The following HSPA2 variants were observed in gnomAD, a reference collection of about 807,000 sequenced individuals.
HSPA2 encodes the protein heat shock protein family A (Hsp70) member 2.
In HSPA2, 13 loss-of-function variants were observed where a neutral mutation model predicts 35.0. The ratio of observed to expected loss-of-function variants is 0.37; its 90% CI spans 0.24 to 0.59. HSPA2 has a LOEUF of 0.59. Ranked by LOEUF, HSPA2 falls within the 20% of genes least tolerant of loss-of-function variation. The probability of loss-of-function intolerance (pLI) is 0.70; values close to 1 mark genes in which losing one functional copy is unlikely to be tolerated. For missense variants in HSPA2, 565 were observed against 885.4 expected, an observed-to-expected ratio of 0.64 and a Z score of 4.59; for synonymous variants, 368 against 382.1, an observed-to-expected ratio of 0.96 and a Z score of 0.43.
In HSPA2 at chr14:64,541,910, A is replaced by G; in HGVS notation, c.1061A>G (p.Gln354Arg). Residue 354 changes from glutamine (Q) to arginine (R), a missense_variant, in exon 1 of 1, where the codon CAG (glutamine) becomes CGG (arginine). Around this residue, in one of 4 missense-constraint regions of HSPA2, gnomAD observed 234 missense variants for 419.0 expected, o/e 0.56. Coordinates refer to ENST00000247207, the MANE Select transcript of HSPA2 (RefSeq NM_021979.4). ...ATCCCCAAGATCCAGAAGCTGCTGC[A>G]GGATTTCTTCAACGGCAAGGAGCTG... ...TRIPKIQKLL[Q>R]DFFNGKELNK... 1 of 1,613,636 alleles carries G rather than the reference A, an allele frequency of 6.2e-7. No homozygotes were observed. Among genetic ancestry groups the G allele is most frequent in the Non-Finnish European group, 8.5e-7 (1 of 1,180,022 alleles).
upstream of HSPA2, chr14:64,536,036 C>T (rs1173931213): frequency 6.6e-6 from 1 of 152,122 alleles, no homozygotes; most frequent in South Asian, 2.1e-4. Flanking sequence ...TCTTTATCAG[C>T]GGCGTGAAAA....
At chr14:64,537,207 A>T (rs1233488224), upstream of HSPA2, among the ~76,000 whole-genome samples, 1 of 152,136 alleles carries the variant, frequency 6.6e-6, no homozygotes, top group Non-Finnish European at 1.5e-5. Flanking sequence ...AAGAATATGC[A>T]TTGCTTCCAG....
upstream of HSPA2, among the ~76,000 whole-genome samples, chr14:64,537,888 G>A (rs45491399): frequency 3.3e-5 from 5 of 151,502 alleles, no homozygotes; most frequent in Admixed American, 6.6e-5. Flanking sequence ...CACCAGGCCC[G>A]GCTAATTTTT....
chr14:64,539,848 A>T (rs2080009811), upstream of HSPA2, among the ~76,000 whole-genome samples: 1 of 151,982 alleles, frequency 6.6e-6, no homozygotes, highest in Non-Finnish European at 1.5e-5. Flanking sequence ...CGCCCAGCTA[A>T]TTTTTGTATC....
At position 64,541,940 on chromosome 14, in the gene HSPA2, A is replaced by G. The variant is rs772715438; in HGVS notation, c.1091A>G (p.Lys364Arg). The change falls in exon 1 of 1, where the codon AAG (lysine) becomes AGG (arginine). Residue 364 changes from lysine to arginine, a missense_variant. Around this residue, in one of 4 missense-constraint regions of HSPA2, gnomAD observed 234 missense variants for 419.0 expected, o/e 0.56. Coordinates refer to ENST00000247207, the MANE Select transcript of HSPA2 (RefSeq NM_021979.4). ...TTCTTCAACGGCAAGGAGCTGAACA[A>G]GAGCATCAACCCCGACGAGGCGGTG... is the stretch of plus-strand genomic sequence containing the variant. The part of the protein sequence containing the change: ...QDFFNGKELN[K>R]SINPDEAVAY... The G allele has an allele frequency of 7.4e-5, 119 of 1,613,516 alleles. No individual in the cohort carries two copies. The highest frequency in any genetic ancestry group is 9.8e-5 in the Non-Finnish European group (116 of 1,180,022).
chr14:64,541,606 A>G lies in HSPA2; in HGVS notation c.757A>G (p.Lys253Glu). The change falls in exon 1 of 1, where the codon AAG (lysine) becomes GAG (glutamate). Residue 253 changes from lysine to glutamate, a missense_variant. By Grantham distance (56) the Lys-to-Glu change is moderately conservative. Coordinates refer to ENST00000247207, the MANE Select transcript of HSPA2 (RefSeq NM_021979.4). ...GGCGGAGGAGTTCAAGCGCAAGCAC[A>G]AGAAGGACATTGGGCCCAACAAGCG... is the stretch of plus-strand genomic sequence containing the variant. ...HLAEEFKRKH[K>E]KDIGPNKRAV... 1 of 1,611,600 alleles carries G rather than the reference A, an allele frequency of 6.2e-7. No homozygotes were observed. Among genetic ancestry groups the G allele is most frequent in the Non-Finnish European group, 8.5e-7 (1 of 1,179,846 alleles).
At chr14:64,537,029 A>T (rs7151628), upstream of HSPA2, among the ~76,000 whole-genome samples, 96,525 of 152,058 alleles carry the variant, frequency 0.63, 31,994 homozygotes, top group East Asian at 0.86. Flanking sequence ...AATTTTAGTG[A>T]TTCTATGTGA....
upstream of HSPA2, among the ~76,000 whole-genome samples, chr14:64,538,345 G>A (rs540395516): frequency 2.0e-5 from 3 of 152,224 alleles, no homozygotes; most frequent in Non-Finnish European, 4.4e-5. Context: ...GGTGCTCCCA[G>A]CCCAAAGCCT....
rs2080044562 is a variant in HSPA2 at position 64,542,891 on chromosome 14, C to A, written c.*122C>A. 1 of 1,390,612 alleles carries A rather than the reference C, an allele frequency of 7.2e-7. No homozygotes were observed. Among genetic ancestry groups the A allele is most frequent in the Non-Finnish European group, 9.6e-7 (1 of 1,046,024 alleles). 86.1% of individuals were successfully genotyped at this position (1,390,612 alleles called of 1,614,324 possible). A position where few individuals can be genotyped will look rare whatever the true frequency, so the allele number is the denominator to read the frequency against. The stretch of plus-strand genomic sequence containing the variant: ...TATTGTTGGAAGTCTTTGGTATATG[C>A]AAATGAAAGGAGAGGTGCAACAACT... On this transcript the variant is annotated 3_prime_UTR_variant, in exon 1 of 1. Transcript: ENST00000247207. The surrounding 1 kb of genome is among the most constrained non-coding windows in gnomAD (Gnocchi z 5.7).
chr14:64,536,780 T>C (rs955886338), upstream of HSPA2, among the ~76,000 whole-genome samples: 38 of 152,192 alleles, frequency 2.5e-4, no homozygotes, highest in African/African-American at 9.2e-4. Flanking sequence ...AAAATACAAA[T>C]ACAGTGTCTT....
At chr14:64,540,730 C>G (rs1361517939), upstream of HSPA2, 5 of 1,445,620 alleles carry the variant, frequency 3.5e-6, no homozygotes, top group South Asian at 1.4e-5. Context: ...GGGAACTGGG[C>G]GCGGGGAGCT....
At chr14:64,538,435 C>T (rs1185407007), upstream of HSPA2, among the ~76,000 whole-genome samples, 4 of 152,172 alleles carry the variant, frequency 2.6e-5, no homozygotes, top group Non-Finnish European at 5.9e-5. Flanking sequence ...TGTATCCCTC[C>T]CTTCTAGTGA....
chr14:64,540,148 C>A (rs1429111784), upstream of HSPA2, among the ~76,000 whole-genome samples: 2 of 152,108 alleles, frequency 1.3e-5, no homozygotes, highest in Non-Finnish European at 2.9e-5. Flanking sequence ...CCTATTCCCT[C>A]CCCTTGGACG....
chr14:64,539,539 G>T (rs180998372), upstream of HSPA2, among the ~76,000 whole-genome samples: 4 of 150,762 alleles, frequency 2.7e-5, no homozygotes, highest in South Asian at 4.1e-4. Flanking sequence ...GAGTGAGGCA[G>T]GAAGGGTTTA....
At chr14:64,537,878 C>A (rs552373811), upstream of HSPA2, among the ~76,000 whole-genome samples, 68 of 151,998 alleles carry the variant, frequency 4.5e-4, no homozygotes, top group African/African-American at 1.4e-3. Flanking sequence ...AGGCGCCCAC[C>A]ACCAGGCCCG....
Position 64,542,983 on chromosome 14 carries a change from A to G in HSPA2, c.*214A>G. The G allele has an allele frequency of 1.2e-6, 1 of 823,444 alleles. No homozygotes were observed. Among genetic ancestry groups the G allele is most frequent in the Non-Finnish European group, 1.9e-6 (1 of 538,162 alleles). 51.0% of individuals were successfully genotyped at this position (823,444 alleles called of 1,614,324 possible). Reference sequence around the variant, plus strand: ...ATTATTCGAGGTTTCTCTTTAATGCATTTTGCGTGTTTGCTGACTTGAGCA... The same window carrying G: ...ATTATTCGAGGTTTCTCTTTAATGCGTTTTGCGTGTTTGCTGACTTGAGCA... On this transcript the variant is annotated 3_prime_UTR_variant, in exon 1 of 1. Coordinates refer to ENST00000247207, the MANE Select transcript of HSPA2 (RefSeq NM_021979.4). This position sits in a 1 kb window ranked among gnomAD's most constrained non-coding sequence, Gnocchi z 5.7.
At position 64,542,809 on chromosome 14, in the gene HSPA2, T is replaced by G; in HGVS notation, c.*40T>G. 3 of 1,452,706 alleles carry G rather than the reference T, an allele frequency of 2.1e-6. No homozygotes were observed. The highest frequency in any genetic ancestry group is 2.7e-6 in the Non-Finnish European group (3 of 1,104,712). 90.0% of individuals were successfully genotyped at this position (1,452,706 alleles called of 1,614,324 possible). ...CAGCGTAAACCTCTTTGCCTTTCTC[T>G]CTCTCTCTTTTTTTTTGTTTGTTTC... is the stretch of plus-strand genomic sequence containing the variant. On this transcript the variant is annotated 3_prime_UTR_variant, in exon 1 of 1. Transcript: ENST00000247207. The surrounding 1 kb of genome is among the most constrained non-coding windows in gnomAD (Gnocchi z 5.7).
chr14:64,537,739 T>C (rs915422870), upstream of HSPA2, among the ~76,000 whole-genome samples: 4 of 146,510 alleles, frequency 2.7e-5, no homozygotes, highest in African/African-American at 7.5e-5. Context: ...CTTTTTCTTT[T>C]TTTTTTTAGA....
chr14:64,537,014 G>A (rs1301172495), upstream of HSPA2, among the ~76,000 whole-genome samples: 1 of 152,214 alleles, frequency 6.6e-6, no homozygotes, highest in Non-Finnish European at 1.5e-5. Flanking sequence ...TTCCTCTGAA[G>A]CTCTAATTTT....
Sources: allele counts gnomAD v4.1 joint callset (sites outside exome capture counted in the v4.1 genomes callset), GRCh38; gene constraint gnomAD v4.1.1; regional missense constraint gnomAD v4.1.1; non-coding constraint Gnocchi (gnomAD v3.1); transcripts MANE v1.5; gene names NCBI Gene and HGNC (gene_info 2026-07-23, HGNC 2026-07-21).